UPF3A: variants seen among roughly 807,000 people sequenced by gnomAD.
UPF3A encodes the protein UPF3A regulator of nonsense mediated mRNA decay.
UPF3A carries 42 observed loss-of-function variants against 53.5 expected under a neutral mutation model. The observed-to-expected ratio is 0.78, with a 90% CI of 0.61 to 1.01. UPF3A has a LOEUF of 1.01. Among genes scored for constraint, UPF3A ranks in the 50% least tolerant of loss-of-function variants. The pLI is 0.00. For missense variants in UPF3A, 575 were observed against 598.0 expected, an observed-to-expected ratio of 0.96 and a Z score of 0.40; for synonymous variants, 237 against 225.3, an observed-to-expected ratio of 1.05 and a Z score of -0.47.
At chr13:114,302,709 AC>A (rs2086701967) in intron 9 of UPF3A, among the ~76,000 whole-genome samples, 1 of 152,224 alleles carries the variant, frequency 6.6e-6, no homozygotes, top group Non-Finnish European at 1.5e-5. Context: ...AAATGGAAAC[AC>A]ACAGTATGTG....
In UPF3A at chr13:114,291,164, C is replaced by T. The variant is rs1029391188; in HGVS notation, c.632-325C>T. 4.6e-5 allele frequency among the ~76,000 whole-genome samples: 7 copies of T among 152,076 alleles called. 1 individual carries two copies. Among genetic ancestry groups the T allele is most frequent in the Middle Eastern group, 6.8e-3 (2 of 294 alleles). On this transcript the variant is annotated intron_variant, in intron 5 of 9. Transcript: ENST00000375299. ...AAACTGTTGCTTGGAGAACGGAAAA[C>T]GAAAAAGTTCTCAGAATATGCGATG... is the stretch of plus-strand genomic sequence containing the variant.
Position 114,286,375 on chromosome 13 carries a change from T to TG in UPF3A, c.496dup (p.Ala166GlyfsTer9). 1 of 1,614,192 alleles carries TG rather than the reference T, an allele frequency of 6.2e-7. No homozygotes were observed. The highest frequency in any genetic ancestry group is 8.5e-7 in the Non-Finnish European group (1 of 1,180,032). On this transcript the variant is annotated frameshift_variant, in exon 4 of 10. Coordinates refer to ENST00000375299, the MANE Select transcript of UPF3A (RefSeq NM_023011.4). LOFTEE classifies it high-confidence loss of function. ...CCAAAAAGAAGCTGAGAAAAAAAGA[T>TG]GCCAAGACTGGAAGCATCGAAGATG...
At chr13:114,293,440 C>T (rs1254530957) in intron 7 of UPF3A, among the ~76,000 whole-genome samples, 2 of 152,014 alleles carry the variant, frequency 1.3e-5, no homozygotes, top group Non-Finnish European at 2.9e-5. Flanking sequence ...ACTGGTTTTG[C>T]CTTTCTGTGT....
At chr13:114,301,476 A>G (rs991429582) in intron 8 of UPF3A, among the ~76,000 whole-genome samples, 2 of 152,094 alleles carry the variant, frequency 1.3e-5, no homozygotes, top group Non-Finnish European at 2.9e-5. Context: ...AAAAAAAAAA[A>G]AAAGTACCTT....
intron 8 of UPF3A, 63 bp from the exon 9 acceptor site, chr13:114,301,668 A>G: frequency 6.5e-7 from 1 of 1,543,436 alleles, no homozygotes; most frequent in Non-Finnish European, 8.8e-7. Flanking sequence ...GTGGTCTAGA[A>G]AGGAGGGTGG....
In UPF3A at chr13:114,304,876, G is replaced by C. The variant is rs201743180; in HGVS notation, c.1390G>C (p.Gly464Arg). 7.4e-6 allele frequency: 12 copies of C among 1,613,826 alleles called. No individual in the cohort carries two copies. The highest frequency in any genetic ancestry group is 1.0e-5 in the Non-Finnish European group (12 of 1,179,754). Residue 464 changes from glycine (G) to arginine (R), a missense_variant, in exon 10 of 10, where the codon GGT (glycine) becomes CGT (arginine). Physicochemically the swap from Gly to Arg is moderately radical, Grantham distance 125 (BLOSUM62 -2). This residue lies in a region of UPF3A where 323 missense variants were observed against 415.2 expected (regional missense o/e 0.78). Coordinates refer to ENST00000375299, the MANE Select transcript of UPF3A (RefSeq NM_023011.4). ...AAACAGGAGGATCTGCAAGGCAGAA[G>C]GTTCGGGGACTGGTCCTGAGAAGAG... ...GGNRRICKAE[G>R]SGTGPEKREE...
rs1171999457 is a variant in UPF3A, at chr13:114,301,868, G to A, written c.1145G>A (p.Ser382Asn). 3 of 1,612,420 alleles carry A rather than the reference G, an allele frequency of 1.9e-6. No individual in the cohort carries two copies. The highest frequency in any genetic ancestry group is 4.5e-5 in the East Asian group (2 of 44,876). Residue 382 changes from serine (S) to asparagine (N), a missense_variant, in exon 9 of 10, where the codon AGT becomes AAT. By Grantham distance (46) the Ser-to-Asn change is conservative. Transcript: ENST00000375299. The stretch of plus-strand genomic sequence containing the variant: ...GAGCCTGAACGGCTTTCCAGAAGGA[G>A]TGAGGATGAGCAGAGATGGGGGAAA... ...HHEPERLSRR[S>N]EDEQRWGKGP... is the part of the protein sequence containing the mutation.
rs1197464792 is a variant in UPF3A, at chr13:114,305,739, T to C, written c.*822T>C. Reference sequence around the variant, plus strand: ...CTGTAGTTTCTTCCTTTCAGTGAAATTGCTAAATGTCAATGTATTTTTGGC... The same window carrying C: ...CTGTAGTTTCTTCCTTTCAGTGAAACTGCTAAATGTCAATGTATTTTTGGC... On this transcript the variant is annotated 3_prime_UTR_variant, in exon 10 of 10. Transcript: ENST00000375299. The C allele has an allele frequency of 6.6e-6, 1 of 152,218 alleles. No individual in the cohort carries two copies. Among genetic ancestry groups the C allele is most frequent in the African/African-American group, 2.4e-5 (1 of 41,466 alleles). 9.4% of individuals were successfully genotyped at this position (152,218 alleles called of 1,614,324 possible).
Position 114,305,707 on chromosome 13 carries a change from G to A in UPF3A, c.*790G>A, listed in dbSNP as rs1191038638. 2 of 152,160 alleles carry A rather than the reference G, an allele frequency of 1.3e-5. No homozygotes were observed. Among genetic ancestry groups the A allele is most frequent in the African/African-American group, 2.4e-5 (1 of 41,434 alleles). The allele number at this position is 152,160 out of a possible 1,614,324, so 9.4% of individuals were successfully genotyped here. On this transcript the variant is annotated 3_prime_UTR_variant, in exon 10 of 10. Coordinates refer to ENST00000375299, the MANE Select transcript of UPF3A (RefSeq NM_023011.4). Reference sequence around the variant, plus strand: ...TAACTTAAAATAGCTTTCTGAAACCGTGCATTCTGTAGTTTCTTCCTTTCA... The same window carrying A: ...TAACTTAAAATAGCTTTCTGAAACCATGCATTCTGTAGTTTCTTCCTTTCA...
At chr13:114,299,604 C>T (rs2086402015) in intron 8 of UPF3A, among the ~76,000 whole-genome samples, 1 of 152,216 alleles carries the variant, frequency 6.6e-6, no homozygotes, top group Non-Finnish European at 1.5e-5. Context: ...GACAGTGCAG[C>T]TCTATGGAGG....
At chr13:114,284,057 C>G in intron 3 of UPF3A, 1 of 985,382 alleles carries the variant, frequency 1.0e-6, no homozygotes, top group Non-Finnish European at 1.2e-6. Context: ...CTGAGTTTCC[C>G]TTTTTCACTT....
Position 114,281,709 on chromosome 13 carries a change from G to C in UPF3A, c.70G>C (p.Glu24Gln). The stretch of plus-strand genomic sequence containing the variant: ...TGCCGCGCGGGGCCCGAGCGGGAGG[G>C]AGAAGCTGTCGGCCCTAGAAGTGCA... ...AVAARGPSGREKLSALEVQFH... is the reference protein window; with the variant it reads ...AVAARGPSGRQKLSALEVQFH... The change falls in exon 1 of 10, where the codon GAG becomes CAG. Residue 24 changes from glutamate to glutamine, a missense_variant. Physicochemically the swap from Glu to Gln is conservative, Grantham distance 29 (BLOSUM62 2). Coordinates refer to ENST00000375299, the MANE Select transcript of UPF3A (RefSeq NM_023011.4). The C allele has an allele frequency of 1.9e-6, 3 of 1,549,872 alleles. No individual in the cohort carries two copies. The highest frequency in any genetic ancestry group is 2.6e-6 in the Non-Finnish European group (3 of 1,147,534).
rs1403512340 is a variant in UPF3A, at chr13:114,286,627, T to G, written c.629T>G (p.Ile210Ser). ...GEMEAKTREL[I>S]ARRTTPLLEY... Reference sequence around the variant, plus strand: ...ATGGAGGCGAAGACAAGAGAGCTCATTGGTCTGTTTTGCTCATTTCTTCTC... The same window carrying G: ...ATGGAGGCGAAGACAAGAGAGCTCAGTGGTCTGTTTTGCTCATTTCTTCTC... The change falls in exon 5 of 10, where the codon ATT (isoleucine) becomes AGT (serine). Residue 210 changes from isoleucine (I) to serine (S), a missense_variant and splice_region_variant. Around this residue, in one of 2 missense-constraint regions of UPF3A, gnomAD observed 323 missense variants for 415.2 expected, o/e 0.78. Transcript: ENST00000375299. 1.2e-6 allele frequency: 2 copies of G among 1,608,112 alleles called. No homozygotes were observed. Among genetic ancestry groups the G allele is most frequent in the Middle Eastern group, 3.3e-4 (2 of 6,034 alleles).
At chr13:114,303,054 G>A in intron 9 of UPF3A, among the ~76,000 whole-genome samples, 1 of 152,002 alleles carries the variant, frequency 6.6e-6, no homozygotes. Flanking sequence ...GAGCCAAGAT[G>A]ATGCCATTGC....
At chr13:114,296,251 C>T (rs182981673) in intron 7 of UPF3A, among the ~76,000 whole-genome samples, 5 of 152,196 alleles carry the variant, frequency 3.3e-5, no homozygotes, top group South Asian at 4.1e-4. Context: ...GGCATGGTGG[C>T]GCATGCCTGT....
chr13:114,300,458 G>T (rs1452772207), intron 8 of UPF3A, among the ~76,000 whole-genome samples: 1 of 152,052 alleles, frequency 6.6e-6, no homozygotes, highest in South Asian at 2.1e-4. Flanking sequence ...TGCAACCTCC[G>T]CCTCCCAGGT....
intron 7 of UPF3A, among the ~76,000 whole-genome samples, chr13:114,292,734 G>C (rs1184508784): frequency 6.6e-6 from 1 of 152,114 alleles, no homozygotes; most frequent in Non-Finnish European, 1.5e-5. Context: ...TGTTGCCCAG[G>C]TAATCAGCAC....
intron 5 of UPF3A, among the ~76,000 whole-genome samples, chr13:114,289,615 G>C (rs2085081615): frequency 2.0e-5 from 3 of 152,006 alleles, no homozygotes; most frequent in African/African-American, 7.3e-5. Flanking sequence ...TTCTGCACAG[G>C]TCTGAGAAGC....
intron 2 of UPF3A, chr13:114,282,627 T>TG: frequency 1.0e-6 from 1 of 985,354 alleles, no homozygotes; most frequent in Non-Finnish European, 1.2e-6. Flanking sequence ...TTCTGGGCAG[T>TG]GGAGAAGGGA....
Sources: gnomAD v4.1 joint callset for allele counts (sites outside exome capture counted in the v4.1 genomes callset) on GRCh38, gnomAD v4.1.1 for gene constraint, gnomAD v4.1.1 regional missense constraint, MANE v1.5 for transcripts, NCBI Gene and HGNC (gene_info 2026-07-23, HGNC 2026-07-21) for gene names.